The following RBPJ variants were observed in gnomAD, a reference collection of about 807,000 sequenced individuals.
RBPJ encodes recombination signal binding protein for immunoglobulin kappa J region.
In RBPJ, 9 loss-of-function variants were observed where a neutral mutation model predicts 67.8. The ratio of observed to expected loss-of-function variants is 0.13; its 90% CI spans 0.08 to 0.23. The LOEUF is 0.23. Among genes scored for constraint, RBPJ ranks in the 10% least tolerant of loss-of-function variants. The pLI is 1.00. For missense variants in RBPJ, 305 were observed against 595.6 expected (o/e 0.51, Z 5.08); for synonymous variants, 198 against 203.3 (o/e 0.97, Z 0.22).
At chr4:26,390,845 A>G (rs1731424402) in intron 2 of RBPJ, among the ~76,000 whole-genome samples, 1 of 152,212 alleles carries the variant, frequency 6.6e-6, no homozygotes, top group Non-Finnish European at 1.5e-5. Context: ...ACTTAAGGCT[A>G]GGAGTTTGAA....
chr4:26,290,840 T>C (rs114601027), intron 1 of RBPJ, among the ~76,000 whole-genome samples: 3,885 of 150,916 alleles, frequency 0.026, 252 homozygotes, highest in Non-Finnish European at 0.037. Context: ...TATTAATGGG[T>C]CTCCTCCTTC....
rs1320939907 is a variant in RBPJ at position 26,432,527 on chromosome 4, C to T, written c.*1520C>T. 6.6e-6 allele frequency: 1 copy of T among 152,070 alleles called. No homozygotes were observed. The highest frequency in any genetic ancestry group is 1.5e-5 in the Non-Finnish European group (1 of 68,026). 9.4% of individuals were successfully genotyped at this position (152,070 alleles called of 1,614,324 possible). ...GTTGCATTCAGGGTTGTAGGTTGGCCTTGCTTGCTAACCCCGCCGGTTTTA... is the reference window on the plus strand; with the variant it reads ...GTTGCATTCAGGGTTGTAGGTTGGCTTTGCTTGCTAACCCCGCCGGTTTTA... On this transcript the variant is annotated 3_prime_UTR_variant, in exon 11 of 11. Transcript: ENST00000355476.
At chr4:26,412,016 G>A (rs555289692) in intron 3 of RBPJ, among the ~76,000 whole-genome samples, 1 of 151,122 alleles carries the variant, frequency 6.6e-6, no homozygotes, top group East Asian at 2.0e-4. Context: ...TCGGGAGGCT[G>A]AGGCAGGAAA....
At chr4:26,170,020 C>T (rs368623370) in intron 1 of RBPJ, among the ~76,000 whole-genome samples, 16 of 152,158 alleles carry the variant, frequency 1.1e-4, no homozygotes, top group East Asian at 7.8e-4. Context: ...TGACCCCTTG[C>T]GCTTCCCAAG....
At chr4:26,389,133 A>C (rs1479988205) in intron 2 of RBPJ, among the ~76,000 whole-genome samples, 1 of 151,954 alleles carries the variant, frequency 6.6e-6, no homozygotes. Flanking sequence ...GGAGACTGAG[A>C]TGGGAGGATC....
intron 1 of RBPJ, among the ~76,000 whole-genome samples, chr4:26,220,953 T>C (rs1718882618): frequency 6.6e-6 from 1 of 152,260 alleles, no homozygotes; most frequent in East Asian, 1.9e-4. Flanking sequence ...ATCTACTGAT[T>C]GCATCATCCA....
chr4:26,263,058 C>T (rs188544008), intron 1 of RBPJ, among the ~76,000 whole-genome samples: 5 of 152,354 alleles, frequency 3.3e-5, no homozygotes, highest in Admixed American at 2.6e-4. Context: ...TCCCAGTTTT[C>T]CTGCCCCAGA....
intron 1 of RBPJ, among the ~76,000 whole-genome samples, chr4:26,237,789 G>GT (rs1360754582): frequency 6.6e-6 from 1 of 152,200 alleles, no homozygotes. Flanking sequence ...CTAGCCTGGT[G>GT]TTTGGATCCC....
At chr4:26,190,798 CTTTG>C (rs1386036942) in intron 1 of RBPJ, among the ~76,000 whole-genome samples, 3 of 151,970 alleles carry the variant, frequency 2.0e-5, no homozygotes, top group South Asian at 2.1e-4. Flanking sequence ...ATGATGTCAG[CTTTG>C]TTTGGGGTTT....
chr4:26,302,381 C>T (rs1199838598), intron 1 of RBPJ, among the ~76,000 whole-genome samples: 1 of 152,198 alleles, frequency 6.6e-6, no homozygotes, highest in African/African-American at 2.4e-5. Context: ...ATACTTTCTT[C>T]TACATTTGAA....
intron 1 of RBPJ, among the ~76,000 whole-genome samples, chr4:26,382,146 C>T (rs1730393919): frequency 6.6e-6 from 1 of 152,082 alleles, no homozygotes; most frequent in African/African-American, 2.4e-5. Context: ...TGATTCTCAA[C>T]AAGATTATGT....
At chr4:26,266,519 G>A (rs1160636205) in intron 1 of RBPJ, among the ~76,000 whole-genome samples, 1 of 152,088 alleles carries the variant, frequency 6.6e-6, no homozygotes, top group Non-Finnish European at 1.5e-5. Flanking sequence ...TCTTCTCTGT[G>A]GCCTTTTGTC....
At chr4:26,368,116 G>A (rs1429010059) in intron 1 of RBPJ, 1 of 152,210 alleles carries the variant, frequency 6.6e-6, no homozygotes, top group Non-Finnish European at 1.5e-5. Flanking sequence ...AATTACAGAA[G>A]ATAAATAACC....
intron 1 of RBPJ, among the ~76,000 whole-genome samples, chr4:26,258,282 C>T (rs1173171076): frequency 1.3e-5 from 2 of 152,228 alleles, no homozygotes; most frequent in Non-Finnish European, 2.9e-5. Context: ...TTCTCTTCTC[C>T]TACCTGTCTC....
the RBPJ span, among the ~76,000 whole-genome samples, chr4:26,123,267 T>C: frequency 6.6e-6 from 1 of 152,174 alleles, no homozygotes; most frequent in East Asian, 1.9e-4. Flanking sequence ...GGGAAGCATT[T>C]GTGTATCTAA....
intron 1 of RBPJ, among the ~76,000 whole-genome samples, chr4:26,341,205 G>A (rs944678248): frequency 5.9e-5 from 9 of 152,228 alleles, no homozygotes; most frequent in African/African-American, 2.2e-4. Flanking sequence ...AGGAGACTGA[G>A]AAAGAGGTGC....
At chr4:26,393,979 A>G (rs1355317488) in intron 2 of RBPJ, among the ~76,000 whole-genome samples, 1 of 151,766 alleles carries the variant, frequency 6.6e-6, no homozygotes. Context: ...TAAACTTTTG[A>G]TTAAGGCTCG....
intron 1 of RBPJ, among the ~76,000 whole-genome samples, chr4:26,368,848 G>C (rs1039141726): frequency 6.6e-6 from 1 of 152,226 alleles, no homozygotes; most frequent in Admixed American, 6.5e-5. Flanking sequence ...ATAGGCCAGA[G>C]ATAAATGACA....
At chr4:26,249,397 C>T (rs145863343) in intron 1 of RBPJ, among the ~76,000 whole-genome samples, 330 of 152,224 alleles carry the variant, frequency 2.2e-3, no homozygotes, top group African/African-American at 7.6e-3. Context: ...TGGTGGCTTA[C>T]ACCTGTAATC....
Sources: gnomAD v4.1 joint callset for allele counts (sites outside exome capture counted in the v4.1 genomes callset) on GRCh38, gnomAD v4.1.1 for gene constraint, MANE v1.5 for transcripts, NCBI Gene and HGNC (gene_info 2026-07-23, HGNC 2026-07-21) for gene names.